ENTREP1: variants seen among roughly 807,000 people sequenced by gnomAD.
ENTREP1 encodes the protein Friedreich ataxia region gene X123.
At chr9:69,335,598 G>A in the ENTREP1 span, among the ~76,000 whole-genome samples, 1 of 152,152 alleles carries the variant, frequency 6.6e-6, no homozygotes, top group African/African-American at 2.4e-5. Flanking sequence ...ATCTTGAAGG[G>A]CCTTGTTTCC....
At chr9:69,330,583 C>T in the ENTREP1 span, among the ~76,000 whole-genome samples, 18 of 152,074 alleles carry the variant, frequency 1.2e-4, no homozygotes, top group African/African-American at 2.7e-4. Flanking sequence ...ATGGACTAAA[C>T]GAAAAACTAA....
chr9:69,381,379 T>C, the ENTREP1 span: 1 of 152,190 alleles, frequency 6.6e-6, no homozygotes, highest in Non-Finnish European at 1.5e-5. Context: ...TTAATAAAAA[T>C]TTGATCAACT....
chr9:69,331,942 T>C, the ENTREP1 span, among the ~76,000 whole-genome samples: 1 of 152,246 alleles, frequency 6.6e-6, no homozygotes, highest in African/African-American at 2.4e-5. Context: ...CAGCTACTGC[T>C]GCCACCAAGG....
chr9:69,379,908 A>G, the ENTREP1 span: 8 of 152,354 alleles, frequency 5.3e-5, no homozygotes, highest in South Asian at 1.7e-3. Flanking sequence ...GCTTCACCAT[A>G]ATAATGCTCA....
chr9:69,344,265 G>A, the ENTREP1 span, among the ~76,000 whole-genome samples: 29 of 152,178 alleles, frequency 1.9e-4, no homozygotes, highest in Non-Finnish European at 8.8e-5. Context: ...CTATCTGTGT[G>A]TGTGCGTGTG....
the ENTREP1 span, among the ~76,000 whole-genome samples, chr9:69,367,754 T>TATATATATACACATATATATAA: frequency 3.1e-5 from 4 of 127,026 alleles, no homozygotes; most frequent in Non-Finnish European, 5.0e-5. Context: ...CATATATAAA[T>TATATATATACACATATATATAA]ATATATATAC....
the ENTREP1 span, chr9:69,325,787 C>T: frequency 1.6e-6 from 2 of 1,212,600 alleles, no homozygotes; most frequent in Admixed American, 4.3e-5. Flanking sequence ...CTGGTCGTTC[C>T]TCTCCATTGC....
At chr9:69,388,334 T>C in the ENTREP1 span, 1 of 1,614,172 alleles carries the variant, frequency 6.2e-7, no homozygotes, top group East Asian at 2.2e-5. Flanking sequence ...CCTGGAGCAG[T>C]CCTCTTGTAC....
the ENTREP1 span, among the ~76,000 whole-genome samples, chr9:69,328,742 T>A: frequency 2.0e-5 from 3 of 152,206 alleles, no homozygotes; most frequent in African/African-American, 7.2e-5. Flanking sequence ...TCACATGCCA[T>A]ACAACTTACC....
the ENTREP1 span, among the ~76,000 whole-genome samples, chr9:69,370,610 A>G: frequency 6.6e-6 from 1 of 152,182 alleles, no homozygotes; most frequent in Non-Finnish European, 1.5e-5. Flanking sequence ...GCATCATGTG[A>G]TATTAAACAT....
At chr9:69,340,044 G>A in the ENTREP1 span, among the ~76,000 whole-genome samples, 1 of 152,260 alleles carries the variant, frequency 6.6e-6, no homozygotes, top group East Asian at 1.9e-4. Flanking sequence ...CACATTAGTT[G>A]TTGACTGTGG....
the ENTREP1 span, among the ~76,000 whole-genome samples, chr9:69,339,490 G>T: frequency 2.6e-5 from 4 of 152,280 alleles, no homozygotes; most frequent in Non-Finnish European, 5.9e-5. Context: ...GCACAGAGGG[G>T]ATAATTTAGT....
At chr9:69,385,672 T>C in the ENTREP1 span, 1 of 1,362,926 alleles carries the variant, frequency 7.3e-7, no homozygotes, top group South Asian at 1.9e-5. Flanking sequence ...TGTTATTAAC[T>C]GCATTACCCT....
the ENTREP1 span, among the ~76,000 whole-genome samples, chr9:69,352,403 G>T: frequency 6.6e-6 from 1 of 152,186 alleles, no homozygotes. Context: ...ACAAGCGTGA[G>T]CCACTGCACC....
chr9:69,325,418 CCGCTGCCCCCGCTGCGGCCG>C, the ENTREP1 span: 2 of 998,318 alleles, frequency 2.0e-6, no homozygotes, highest in Non-Finnish European at 2.4e-6. Context: ...TCAGGAGCCG[CCGCTGCCCCCGCTGCGGCCG>C]CGCTGGCCCC....
the ENTREP1 span, among the ~76,000 whole-genome samples, chr9:69,368,511 C>T: frequency 1.3e-5 from 2 of 152,050 alleles, no homozygotes; most frequent in Admixed American, 6.6e-5. Flanking sequence ...TCCACTTGAT[C>T]GTGATGTATA....
the ENTREP1 span, among the ~76,000 whole-genome samples, chr9:69,366,738 G>GT: frequency 6.6e-6 from 1 of 151,944 alleles, no homozygotes; most frequent in East Asian, 1.9e-4. Flanking sequence ...AGGGGGTCTA[G>GT]TTTTTTCTTC....
the ENTREP1 span, among the ~76,000 whole-genome samples, chr9:69,336,892 G>A: frequency 6.6e-6 from 1 of 151,340 alleles, no homozygotes; most frequent in Admixed American, 6.6e-5. Flanking sequence ...TAGAGACGGG[G>A]TTTCACTATG....
the ENTREP1 span, chr9:69,325,731 CCG>C: frequency 2.5e-5 from 31 of 1,226,030 alleles, no homozygotes; most frequent in East Asian, 1.6e-4. Flanking sequence ...TCGGTGAGTA[CCG>C]CGCGCGCGCC....
Sources: gnomAD v4.1 joint callset for allele counts (sites outside exome capture counted in the v4.1 genomes callset) on GRCh38, gnomAD v4.1.1 for gene constraint, MANE v1.5 for transcripts, NCBI Gene and HGNC (gene_info 2026-07-23, HGNC 2026-07-21) for gene names.